SHANK2: variants seen among roughly 807,000 people sequenced by gnomAD.
SHANK2 encodes SH3 and multiple ankyrin repeat domains 2.
A neutral mutation model predicts 133.7 loss-of-function variants in SHANK2; 43 were observed. The observed-to-expected ratio is 0.32, with a 90% confidence interval of 0.25 to 0.41. The LOEUF (loss-of-function observed/expected upper bound fraction) is 0.41. Ranked by LOEUF, SHANK2 falls within the 10% of genes least tolerant of loss-of-function variation. The pLI is 1.00. For synonymous variants in SHANK2, 1,017 were observed against 952.8 expected, an observed-to-expected ratio of 1.07 and a Z score of -1.24; for missense variants, 1,994 against 2,235.8, an observed-to-expected ratio of 0.89 and a Z score of 2.18.
In SHANK2 at chr11:70,471,420, GTGACCTCTTT is replaced by G; in HGVS notation, c.*1439_*1448del. The G allele has an allele frequency of 2.5e-6, 1 of 398,904 alleles. No individual in the cohort carries two copies. The highest frequency in any genetic ancestry group is 4.4e-6 in the Non-Finnish European group (1 of 226,050). The allele number at this position is 398,904 out of a possible 1,614,324, so 24.7% of individuals were successfully genotyped here. A position where few individuals can be genotyped will look rare whatever the true frequency, so the allele number is the denominator to read the frequency against. On this transcript the variant is annotated 3_prime_UTR_variant, in exon 26 of 26. Coordinates refer to ENST00000601538, the MANE Select transcript of SHANK2 (RefSeq NM_012309.5). The surrounding 1 kb of genome is among the most constrained non-coding windows in gnomAD (Gnocchi z 4.1). ...GTGTTTTGCGGCCCATGTGCATCTG[GTGACCTCTTT>G]TGGAAATTCGAGGTATTGTTATGGG...
chr11:70,485,132 C>T lies in SHANK2; in HGVS notation c.4979+182G>A, dbSNP rs1326509668. On this transcript the variant is annotated intron_variant, in intron 25 of 25. Coordinates refer to ENST00000601538, the MANE Select transcript of SHANK2 (RefSeq NM_012309.5). The surrounding 1 kb of genome is among the most constrained non-coding windows in gnomAD (Gnocchi z 5.8). ...CACCAGGATGGCTGTGATCATTACT[C>T]GGCTATCCCGGAGTCCAGGAGCATG... Among the ~76,000 whole-genome samples the T allele has an allele frequency of 2.6e-5, 4 of 152,180 alleles. No individual in the cohort carries two copies. The highest frequency in any genetic ancestry group is 1.3e-4 in the Admixed American group (2 of 15,276).
intron 17 of SHANK2, among the ~76,000 whole-genome samples, chr11:70,636,412 T>C (rs1006667526): frequency 4.6e-5 from 7 of 152,126 alleles, no homozygotes; most frequent in Non-Finnish European, 8.8e-5. Flanking sequence ...CGAGCATGTG[T>C]GAGCATGTGT....
intron 8 of SHANK2, among the ~76,000 whole-genome samples, chr11:71,085,757 TATATA>T (rs1219231094): frequency 1.3e-5 from 1 of 77,828 alleles, no homozygotes; most frequent in Non-Finnish European, 2.2e-5. Context: ...TATATTATGT[TATATA>T]ATATATATTA....
chr11:70,871,019 C>T (rs1949451631), intron 11 of SHANK2, among the ~76,000 whole-genome samples: 1 of 152,166 alleles, frequency 6.6e-6, no homozygotes. Context: ...TTCAGGTGAT[C>T]CATCCGCCTC....
intron 10 of SHANK2, 118 bp downstream of exon 10, chr11:71,056,363 A>C: frequency 6.6e-6 from 1 of 152,282 alleles, no homozygotes; most frequent in South Asian, 2.1e-4. Context: ...GAATAAGAAA[A>C]CATCCGCAAC....
intron 11 of SHANK2, among the ~76,000 whole-genome samples, chr11:70,854,315 C>T (rs886783142): frequency 2.0e-5 from 3 of 152,142 alleles, no homozygotes; most frequent in Non-Finnish European, 2.9e-5. Context: ...ATGCTGAGAT[C>T]GAATCTAGTG....
chr11:70,852,199 C>G lies in SHANK2; in HGVS notation c.1175-31517G>C, dbSNP rs868916678. On this transcript the variant is annotated intron_variant, in intron 11 of 25. Transcript: ENST00000601538. The stretch of plus-strand genomic sequence containing the variant: ...CCTGTTAGAGCATATAGCTCCTCAT[C>G]CTGCTGTTTCCAAAGCATTTGCACA... Among the ~76,000 whole-genome samples, 4 of 152,312 alleles carry G rather than the reference C, an allele frequency of 2.6e-5. No individual in the cohort carries two copies. In the Middle Eastern group the frequency reaches 0.014, roughly 518 times the overall value.
At chr11:70,748,492 T>A (rs1946688493) in intron 14 of SHANK2, among the ~76,000 whole-genome samples, 1 of 151,882 alleles carries the variant, frequency 6.6e-6, no homozygotes, top group Non-Finnish European at 1.5e-5. Flanking sequence ...GAAAAGACAC[T>A]CCCTAGAATC....
chr11:71,236,376 A>G (rs1282044341), intron 1 of SHANK2, among the ~76,000 whole-genome samples: 1 of 152,238 alleles, frequency 6.6e-6, no homozygotes, highest in African/African-American at 2.4e-5. Context: ...TGGGAGGCTG[A>G]GAAGGCTGGC....
chr11:71,190,561 G>C (rs1446239195), intron 2 of SHANK2, among the ~76,000 whole-genome samples: 1 of 152,230 alleles, frequency 6.6e-6, no homozygotes, highest in Non-Finnish European at 1.5e-5. Flanking sequence ...TGGGGAACAA[G>C]AGAAAGTGCG....
At chr11:70,755,086 T>G (rs1189011453) in intron 14 of SHANK2, among the ~76,000 whole-genome samples, 2 of 152,116 alleles carry the variant, frequency 1.3e-5, no homozygotes. Flanking sequence ...TTTTTTTTTT[T>G]TCTGAGATGA....
At chr11:70,687,737 G>A (rs564733392) in intron 15 of SHANK2, among the ~76,000 whole-genome samples, 9 of 152,314 alleles carry the variant, frequency 5.9e-5, no homozygotes, top group African/African-American at 1.7e-4. Context: ...AGATTCCTGC[G>A]CAGCTACAGA....
intron 12 of SHANK2, among the ~76,000 whole-genome samples, chr11:70,819,426 C>A (rs555609109): frequency 1.3e-5 from 2 of 152,246 alleles, no homozygotes; most frequent in African/African-American, 2.4e-5. Context: ...GACACCAACC[C>A]TAGCACCTGG....
intron 12 of SHANK2, among the ~76,000 whole-genome samples, chr11:70,817,936 T>C (rs1309871982): frequency 2.6e-5 from 4 of 152,224 alleles, no homozygotes; most frequent in Admixed American, 2.6e-4. Flanking sequence ...GGTTTCACCA[T>C]GTTAGCCAGG....
intron 17 of SHANK2, among the ~76,000 whole-genome samples, chr11:70,641,819 T>C (rs1218983334): frequency 6.6e-6 from 1 of 152,166 alleles, no homozygotes; most frequent in African/African-American, 2.4e-5. Flanking sequence ...ATGTCTAAAA[T>C]GGGTGCAGTT....
chr11:71,197,203 C>T (rs782783817), intron 2 of SHANK2, among the ~76,000 whole-genome samples: 2 of 152,080 alleles, frequency 1.3e-5, no homozygotes, highest in African/African-American at 2.4e-5. Context: ...TCAGTGTGAC[C>T]CAACGTGTTT....
At chr11:70,635,639 T>C (rs1205280687) in intron 17 of SHANK2, 2 of 151,994 alleles carry the variant, frequency 1.3e-5, no homozygotes, top group African/African-American at 4.8e-5. Flanking sequence ...ATGGTGGTGA[T>C]GGTGAATGGA....
At chr11:70,811,633 C>T (rs997404452) in intron 12 of SHANK2, among the ~76,000 whole-genome samples, 1 of 133,292 alleles carries the variant, frequency 7.5e-6, no homozygotes, top group East Asian at 2.1e-4. Flanking sequence ...CATCATCCAT[C>T]CACTCATCCA....
chr11:70,757,737 AGAC>A (rs1379744317), intron 14 of SHANK2, among the ~76,000 whole-genome samples: 14 of 152,212 alleles, frequency 9.2e-5, no homozygotes, highest in African/African-American at 3.1e-4. Flanking sequence ...TATAAACCTT[AGAC>A]AACAGGATGA....
Sources: allele counts gnomAD v4.1 joint callset (sites outside exome capture counted in the v4.1 genomes callset), GRCh38; gene constraint gnomAD v4.1.1; non-coding constraint Gnocchi (gnomAD v3.1); transcripts MANE v1.5; gene names NCBI Gene and HGNC (gene_info 2026-07-23, HGNC 2026-07-21).